Variants in GPC5 observed in about 807,000 individuals in gnomAD.
GPC5 encodes the protein glypican 5, also known as glypican-5.
A neutral mutation model predicts 53.9 loss-of-function variants in GPC5; 47 were observed. The ratio of observed to expected loss-of-function variants is 0.87; its 90% CI spans 0.69 to 1.11. The LOEUF (loss-of-function observed/expected upper bound fraction) is 1.11. Among genes scored for constraint, GPC5 ranks in the 50% most tolerant of loss-of-function variants. The probability of loss-of-function intolerance (pLI) is 0.00; values close to 1 mark genes in which losing one functional copy is unlikely to be tolerated. For synonymous variants in GPC5, 286 were observed against 263.3 expected (o/e 1.09, Z -0.84); for missense variants, 748 against 713.1 (o/e 1.05, Z -0.56).
At chr13:92,394,740 G>T (rs926892696) in intron 7 of GPC5, among the ~76,000 whole-genome samples, 2 of 151,946 alleles carry the variant, frequency 1.3e-5, no homozygotes, top group African/African-American at 4.8e-5. Context: ...AGAGAAAAAT[G>T]TTTTATTATC....
intron 7 of GPC5, among the ~76,000 whole-genome samples, chr13:92,694,679 G>C (rs757884370): frequency 6.6e-6 from 1 of 152,200 alleles, no homozygotes; most frequent in African/African-American, 2.4e-5. Context: ...GCTCATAGAT[G>C]AAAGTGACTT....
chr13:91,615,446 C>G (rs1269193188), intron 2 of GPC5, among the ~76,000 whole-genome samples: 2 of 152,106 alleles, frequency 1.3e-5, no homozygotes, highest in African/African-American at 4.8e-5. Context: ...TTTGCCACAC[C>G]TAGTTTCAAG....
intron 7 of GPC5, among the ~76,000 whole-genome samples, chr13:92,630,682 A>G (rs1451473895): frequency 6.6e-6 from 1 of 152,162 alleles, no homozygotes. Context: ...CCTAGAACTG[A>G]AAGTATAATA....
chr13:91,588,618 A>G (rs560396126), intron 2 of GPC5, among the ~76,000 whole-genome samples: 1 of 152,270 alleles, frequency 6.6e-6, no homozygotes, highest in East Asian at 1.9e-4. Context: ...AATTGATTTC[A>G]TACATCTTCA....
chr13:92,195,304 G>T (rs943807058), intron 7 of GPC5, among the ~76,000 whole-genome samples: 1 of 152,124 alleles, frequency 6.6e-6, no homozygotes, highest in Non-Finnish European at 1.5e-5. Flanking sequence ...TCAGCGTCTG[G>T]TATTATAAAT....
At chr13:92,554,815 T>C (rs1372584347) in intron 7 of GPC5, among the ~76,000 whole-genome samples, 4 of 151,170 alleles carry the variant, frequency 2.6e-5, no homozygotes, top group Non-Finnish European at 4.4e-5. Context: ...ATAAAATTAA[T>C]GCATATGTGT....
chr13:92,780,722 A>C (rs1034427721), intron 7 of GPC5, among the ~76,000 whole-genome samples: 1 of 152,078 alleles, frequency 6.6e-6, no homozygotes, highest in Non-Finnish European at 1.5e-5. Context: ...TTTAAATAAC[A>C]GCAATAAAAC....
chr13:91,920,271 G>T (rs142929058), intron 6 of GPC5, among the ~76,000 whole-genome samples: 2 of 151,794 alleles, frequency 1.3e-5, no homozygotes, highest in Non-Finnish European at 2.9e-5. Context: ...AAATAAAAAA[G>T]AACTTCAGAA....
At chr13:92,114,683 A>G (rs1402593306) in intron 6 of GPC5, among the ~76,000 whole-genome samples, 1 of 152,194 alleles carries the variant, frequency 6.6e-6, no homozygotes, top group Non-Finnish European at 1.5e-5. Flanking sequence ...ACCTGGCCAC[A>G]CAGATACACT....
At chr13:91,643,015 T>G (rs1187612303) in intron 2 of GPC5, among the ~76,000 whole-genome samples, 3 of 152,122 alleles carry the variant, frequency 2.0e-5, no homozygotes, top group Non-Finnish European at 2.9e-5. Context: ...GAAGCTACAT[T>G]GAGTTAGAAT....
chr13:92,418,725 G>T (rs1876428729), intron 7 of GPC5, among the ~76,000 whole-genome samples: 1 of 152,120 alleles, frequency 6.6e-6, no homozygotes, highest in Admixed American at 6.5e-5. Context: ...TGTTTTGTGT[G>T]CAAGAAAATT....
In GPC5 at chr13:92,591,990, G is replaced by A. The variant is rs546348433; in HGVS notation, c.1562-274292G>A. 6.2e-4 allele frequency among the ~76,000 whole-genome samples: 94 copies of A among 152,310 alleles called. 1 individual carries two copies. The highest frequency in any genetic ancestry group is 1.2e-3 in the Non-Finnish European group (80 of 68,030). On this transcript the variant is annotated intron_variant, in intron 7 of 7. Transcript: ENST00000377067. ...GCTGAGGGTCACTTTTCCCTGAAGT[G>A]GCTGGCAGTATGCTAGGCCTGCTGA...
chr13:91,670,802 C>T (rs1594407279), intron 2 of GPC5, among the ~76,000 whole-genome samples: 1 of 152,188 alleles, frequency 6.6e-6, no homozygotes, highest in East Asian at 1.9e-4. Context: ...TACTGTCTCT[C>T]TTAGGCTGCA....
At chr13:92,015,190 T>C (rs1187068885) in intron 6 of GPC5, among the ~76,000 whole-genome samples, 1 of 152,168 alleles carries the variant, frequency 6.6e-6, no homozygotes, top group Admixed American at 6.5e-5. Flanking sequence ...CAAGGATATG[T>C]TAAATATCTT....
chr13:92,012,620 T>C (rs781026369), intron 6 of GPC5, among the ~76,000 whole-genome samples: 1 of 152,212 alleles, frequency 6.6e-6, no homozygotes, highest in Non-Finnish European at 1.5e-5. Flanking sequence ...TTATTTTTTG[T>C]AGACATAAAG....
intron 4 of GPC5, among the ~76,000 whole-genome samples, chr13:91,735,949 A>T (rs943971203): frequency 2.6e-5 from 4 of 151,612 alleles, no homozygotes; most frequent in Admixed American, 2.6e-4. Context: ...AAGCAGTCAG[A>T]AGCAATGAAC....
intron 5 of GPC5, among the ~76,000 whole-genome samples, chr13:91,830,092 G>T (rs976471664): frequency 4.6e-5 from 7 of 151,968 alleles, no homozygotes; most frequent in Non-Finnish European, 8.8e-5. Context: ...TGGGAGATGG[G>T]GGTCTATTTC....
At chr13:92,729,677 A>T (rs1432188938) in intron 7 of GPC5, among the ~76,000 whole-genome samples, 2 of 151,438 alleles carry the variant, frequency 1.3e-5, no homozygotes, top group African/African-American at 4.8e-5. Context: ...AATGATCAGC[A>T]TGTATTTGAT....
chr13:92,654,343 C>T (rs1886057349), intron 7 of GPC5, among the ~76,000 whole-genome samples: 1 of 152,080 alleles, frequency 6.6e-6, no homozygotes, highest in African/African-American at 2.4e-5. Flanking sequence ...AAATGGTTTT[C>T]CAGAGTTGTC....
Sources: gnomAD v4.1 joint callset for allele counts (sites outside exome capture counted in the v4.1 genomes callset) on GRCh38, gnomAD v4.1.1 for gene constraint, MANE v1.5 for transcripts, NCBI Gene and HGNC (gene_info 2026-07-23, HGNC 2026-07-21) for gene names.